Variants in SLC9A9 observed in about 807,000 individuals in gnomAD.
SLC9A9 encodes sodium/hydrogen exchanger 9.
In SLC9A9, 62 loss-of-function variants were observed where a neutral mutation model predicts 77.8. That is an observed-to-expected ratio of 0.80 (90% CI 0.65 to 0.98). The LOEUF (loss-of-function observed/expected upper bound fraction) is 0.98, where lower values mean the gene tolerates loss of function less well. Ranked by LOEUF, SLC9A9 falls within the 50% of genes least tolerant of loss-of-function variation. SLC9A9 has a pLI of 0.00. For synonymous variants in SLC9A9, 320 were observed against 283.5 expected (o/e 1.13, Z -1.29); for missense variants, 775 against 774.9 (o/e 1.00, Z 0.00).
chr3:143,362,441 C>T (rs7614192), intron 14 of SLC9A9, among the ~76,000 whole-genome samples: 82,699 of 152,042 alleles, frequency 0.54, 23,782 homozygotes, highest in African/African-American at 0.74. Context: ...CTTCACTTCT[C>T]TCTTAATTTT....
chr3:143,796,885 T>C lies in SLC9A9; in HGVS notation c.397A>G (p.Ile133Val). ...ILEKMTFDPE[I>V]FFNVLLPPII... ...GGTGGCAGTAAAACATTGAAGAAGA[T>C]TTCTGGATCAAATGTCATCTGCCAG... Residue 133 changes from isoleucine to valine, a missense_variant, in exon 3 of 16, where the codon ATC (isoleucine) becomes GTC (valine). Coordinates refer to ENST00000316549, the MANE Select transcript of SLC9A9 (RefSeq NM_173653.4). The C allele has an allele frequency of 2.5e-6, 4 of 1,612,472 alleles. No homozygotes were observed. The highest frequency in any genetic ancestry group is 3.4e-6 in the Non-Finnish European group (4 of 1,178,934).
At chr3:143,693,119 TG>T in intron 5 of SLC9A9, 72 bp downstream of exon 5, 1 of 1,129,432 alleles carries the variant, frequency 8.9e-7, no homozygotes, top group Non-Finnish European at 1.3e-6. Flanking sequence ...ACGCAGGTGA[TG>T]GTCTTGGGGA....
chr3:143,829,405 G>A (rs2009379522), intron 2 of SLC9A9, among the ~76,000 whole-genome samples: 3 of 152,102 alleles, frequency 2.0e-5, no homozygotes, highest in Admixed American at 2.0e-4. Context: ...ACTTACTGCA[G>A]TCTCACCTTC....
intron 4 of SLC9A9, among the ~76,000 whole-genome samples, chr3:143,720,061 A>G (rs1036347965): frequency 6.6e-6 from 1 of 151,794 alleles, no homozygotes; most frequent in East Asian, 1.9e-4. Flanking sequence ...AGGCTTCCAA[A>G]TGAATATTCT....
chr3:143,557,190 G>T (rs1261113781), intron 8 of SLC9A9, among the ~76,000 whole-genome samples: 1 of 152,034 alleles, frequency 6.6e-6, no homozygotes, highest in African/African-American at 2.4e-5. Context: ...CGTTTCCCCT[G>T]CTTGCACTCA....
chr3:143,582,106 C>T (rs1206028921), intron 6 of SLC9A9, among the ~76,000 whole-genome samples: 1 of 152,190 alleles, frequency 6.6e-6, no homozygotes, highest in Non-Finnish European at 1.5e-5. Flanking sequence ...TCACCACCCA[C>T]AAGATTTTTT....
intron 12 of SLC9A9, among the ~76,000 whole-genome samples, chr3:143,395,329 C>G (rs1373763443): frequency 6.6e-6 from 1 of 152,108 alleles, no homozygotes; most frequent in African/African-American, 2.4e-5. Flanking sequence ...ACAAACCTGA[C>G]AAAAACAAGG....
chr3:143,784,618 C>T (rs767730520), intron 4 of SLC9A9, among the ~76,000 whole-genome samples: 11 of 151,854 alleles, frequency 7.2e-5, no homozygotes, highest in Admixed American at 2.6e-4. Flanking sequence ...CTCAGCCTCC[C>T]GAAGTGCTGG....
chr3:143,641,268 A>T (rs2038616335), intron 6 of SLC9A9, among the ~76,000 whole-genome samples: 1 of 152,078 alleles, frequency 6.6e-6, no homozygotes, highest in African/African-American at 2.4e-5. Context: ...TTTCCTAATA[A>T]ATAGGTATTT....
At chr3:143,657,928 G>T (rs999016738) in intron 5 of SLC9A9, among the ~76,000 whole-genome samples, 1 of 151,910 alleles carries the variant, frequency 6.6e-6, no homozygotes, top group Non-Finnish European at 1.5e-5. Context: ...GTGCAGTGGC[G>T]CAATCTCAGC....
At chr3:143,539,228 A>T (rs994795507) in intron 9 of SLC9A9, among the ~76,000 whole-genome samples, 2 of 152,194 alleles carry the variant, frequency 1.3e-5, no homozygotes, top group African/African-American at 4.8e-5. Flanking sequence ...GACTCTCCTA[A>T]AACCAAACTC....
At position 143,581,173 on chromosome 3, in the gene SLC9A9, A is replaced by C. The variant is rs192509449; in HGVS notation, c.756-2450T>G. Among the ~76,000 whole-genome samples, 7 of 152,304 alleles carry C rather than the reference A, an allele frequency of 4.6e-5. No individual in the cohort carries two copies. In the East Asian group the frequency reaches 1.3e-3, roughly 29 times the overall value. Reference sequence around the variant, plus strand: ...TTTGAGCAAGGTAGCATGTCATCAGACAGAGATGGGGAGAGAGTATTCCAG... The same window carrying C: ...TTTGAGCAAGGTAGCATGTCATCAGCCAGAGATGGGGAGAGAGTATTCCAG... On this transcript the variant is annotated intron_variant, in intron 6 of 15. Transcript: ENST00000316549.
At chr3:143,449,818 A>ATATTTATATATATT (rs1559921617) in intron 12 of SLC9A9, among the ~76,000 whole-genome samples, 73 of 41,012 alleles carry the variant, frequency 1.8e-3, no homozygotes, top group Non-Finnish European at 2.3e-3. Context: ...ATAATTATAT[A>ATATTTATATATATT]TTTACATATA....
chr3:143,630,071 A>G (rs1297621351), intron 6 of SLC9A9, among the ~76,000 whole-genome samples: 1 of 152,192 alleles, frequency 6.6e-6, no homozygotes, highest in Non-Finnish European at 1.5e-5. Context: ...TGTTAATTCA[A>G]CAACCATTTA....
At chr3:143,627,885 G>A (rs2108723761) in intron 6 of SLC9A9, among the ~76,000 whole-genome samples, 1 of 152,286 alleles carries the variant, frequency 6.6e-6, no homozygotes, top group Non-Finnish European at 1.5e-5. Context: ...AAAATACAAA[G>A]AGCTAAAACA....
At chr3:143,397,002 A>C (rs1201915865) in intron 12 of SLC9A9, among the ~76,000 whole-genome samples, 1 of 152,104 alleles carries the variant, frequency 6.6e-6, no homozygotes, top group Non-Finnish European at 1.5e-5. Context: ...TGTTCCAGAC[A>C]CAAATGCAGA....
chr3:143,589,980 A>G (rs1247634848), intron 6 of SLC9A9, among the ~76,000 whole-genome samples: 1 of 152,206 alleles, frequency 6.6e-6, no homozygotes, highest in African/African-American at 2.4e-5. Flanking sequence ...ATTAGTTAAA[A>G]TATCTATTTC....
chr3:143,431,529 C>CTGGA (rs1486899154), intron 12 of SLC9A9, among the ~76,000 whole-genome samples: 1 of 147,922 alleles, frequency 6.8e-6, no homozygotes, highest in Non-Finnish European at 1.5e-5. Context: ...GTCACCCAGG[C>CTGGA]TGGAGTACAG....
At chr3:143,766,053 C>A (rs2007303079) in intron 4 of SLC9A9, among the ~76,000 whole-genome samples, 1 of 152,152 alleles carries the variant, frequency 6.6e-6, no homozygotes, top group Admixed American at 6.6e-5. Context: ...GAAGAATCAC[C>A]CAGCAGAGCA....
Sources: gnomAD v4.1 joint callset for allele counts (sites outside exome capture counted in the v4.1 genomes callset) on GRCh38, gnomAD v4.1.1 for gene constraint, MANE v1.5 for transcripts, NCBI Gene and HGNC (gene_info 2026-07-23, HGNC 2026-07-21) for gene names.